CSMD1: variants seen among roughly 807,000 people sequenced by gnomAD.
The protein encoded by CSMD1 is CUB and Sushi multiple domains 1, also known as CUB and sushi domain-containing protein 1.
Under a neutral mutation model 417.5 loss-of-function variants are expected in CSMD1, and 213 were observed. That is an observed-to-expected ratio of 0.51 (90% CI 0.46 to 0.57). The LOEUF (loss-of-function observed/expected upper bound fraction) is 0.57, where lower values mean the gene tolerates loss of function less well. Among genes scored for constraint, CSMD1 ranks in the 20% least tolerant of loss-of-function variants. The pLI is 0.00. For missense variants in CSMD1, 6,923 were observed against 4,529.7 expected (o/e 1.53, Z -15.17); for synonymous variants, 2,862 against 1,736.8 (o/e 1.65, Z -16.11).
intron 28 of CSMD1, among the ~76,000 whole-genome samples, chr8:3,223,288 C>A (rs537682897): frequency 6.6e-6 from 1 of 152,102 alleles, no homozygotes. Flanking sequence ...CTTTCATTTT[C>A]CAGGCTCTAT....
chr8:3,989,816 G>T (rs1814609190), intron 5 of CSMD1, among the ~76,000 whole-genome samples: 1 of 152,152 alleles, frequency 6.6e-6, no homozygotes, highest in Admixed American at 6.5e-5. Context: ...CCAACAGGAA[G>T]TAACCCAAGC....
Position 3,292,541 on chromosome 8 carries a change from C to T in CSMD1, c.3951-8195G>A, listed in dbSNP as rs565573194. Among the ~76,000 whole-genome samples the T allele has an allele frequency of 1.0e-3, 152 of 152,150 alleles. 1 individual carries two copies. The highest frequency in any genetic ancestry group is 9.6e-3 in the Admixed American group (146 of 15,264). On this transcript the variant is annotated intron_variant, in intron 25 of 69. Coordinates refer to ENST00000635120, the MANE Select transcript of CSMD1 (RefSeq NM_033225.6). ...TTGGGTACATATATATTTAGGAGAG[C>T]TAGCTTTTCTTGTTGAATTGATCCC...
intron 10 of CSMD1, among the ~76,000 whole-genome samples, chr8:3,530,726 A>C (rs549851982): frequency 2.6e-5 from 4 of 152,082 alleles, no homozygotes; most frequent in African/African-American, 7.2e-5. Context: ...AGACAGTTTC[A>C]CCATGTTGGC....
At chr8:4,288,228 G>A (rs1360898025) in intron 3 of CSMD1, among the ~76,000 whole-genome samples, 1 of 152,044 alleles carries the variant, frequency 6.6e-6, no homozygotes, top group Non-Finnish European at 1.5e-5. Context: ...TCAGGGCCTG[G>A]CAGTGCTGGG....
At chr8:4,573,536 C>G (rs1292495030) in intron 2 of CSMD1, among the ~76,000 whole-genome samples, 5 of 152,074 alleles carry the variant, frequency 3.3e-5, no homozygotes, top group Admixed American at 2.6e-4. Flanking sequence ...ATCCGGAGCT[C>G]TCCTGTATGA....
At chr8:3,790,500 G>C (rs1193032751) in intron 5 of CSMD1, among the ~76,000 whole-genome samples, 2 of 152,126 alleles carry the variant, frequency 1.3e-5, no homozygotes, top group East Asian at 1.9e-4. Flanking sequence ...GAGAGTGATG[G>C]TAATTATGAC....
chr8:3,846,672 G>C (rs34363872), intron 5 of CSMD1, among the ~76,000 whole-genome samples: 3 of 151,872 alleles, frequency 2.0e-5, no homozygotes, highest in Admixed American at 1.3e-4. Flanking sequence ...TATTTATTTA[G>C]TTTGAGATGG....
chr8:4,058,492 T>C (rs1182990923), intron 3 of CSMD1, among the ~76,000 whole-genome samples: 1 of 152,188 alleles, frequency 6.6e-6, no homozygotes, highest in South Asian at 2.1e-4. Context: ...AGGGACAATT[T>C]GCCTTCCTCT....
At chr8:4,118,443 T>C (rs1170171831) in intron 3 of CSMD1, among the ~76,000 whole-genome samples, 1 of 150,174 alleles carries the variant, frequency 6.7e-6, no homozygotes. Context: ...ATATGGACAG[T>C]CACTTCTCAA....
chr8:4,707,867 C>A (rs1232841014), intron 1 of CSMD1, among the ~76,000 whole-genome samples: 7 of 114,324 alleles, frequency 6.1e-5, no homozygotes, highest in Admixed American at 6.0e-4. Context: ...AGCCTGGGGA[C>A]AAGAGCAAGA....
intron 10 of CSMD1, among the ~76,000 whole-genome samples, chr8:3,525,041 T>C (rs1484635171): frequency 6.6e-6 from 1 of 152,182 alleles, no homozygotes. Flanking sequence ...AATCCCTTGG[T>C]CCAACGCCGA....
chr8:4,856,824 T>C (rs1340389436), intron 1 of CSMD1, among the ~76,000 whole-genome samples: 1 of 151,490 alleles, frequency 6.6e-6, no homozygotes, highest in African/African-American at 2.4e-5. Context: ...ATGGGAGACT[T>C]TAACACCCCA....
chr8:4,805,906 G>A (rs751190417), intron 1 of CSMD1, among the ~76,000 whole-genome samples: 2 of 152,144 alleles, frequency 1.3e-5, no homozygotes, highest in South Asian at 4.1e-4. Flanking sequence ...TGACTCAAAT[G>A]CGATGGCTTG....
At chr8:4,405,381 C>G (rs967088088) in intron 3 of CSMD1, among the ~76,000 whole-genome samples, 2 of 151,836 alleles carry the variant, frequency 1.3e-5, no homozygotes, top group African/African-American at 4.8e-5. Flanking sequence ...CTGGCACAAA[C>G]TACTTGTTAC....
At chr8:4,488,370 A>G (rs1454234745) in intron 2 of CSMD1, among the ~76,000 whole-genome samples, 1 of 151,926 alleles carries the variant, frequency 6.6e-6, no homozygotes, top group Non-Finnish European at 1.5e-5. Context: ...ACATATAGAA[A>G]CTTGTTTAAT....
At chr8:4,030,472 G>T (rs557059389) in intron 4 of CSMD1, among the ~76,000 whole-genome samples, 1 of 152,160 alleles carries the variant, frequency 6.6e-6, no homozygotes, top group African/African-American at 2.4e-5. Context: ...GCTTTATGTT[G>T]CCCCTTTCAG....
At chr8:4,904,788 T>C (rs2117058929) in intron 1 of CSMD1, among the ~76,000 whole-genome samples, 1 of 152,232 alleles carries the variant, frequency 6.6e-6, no homozygotes, top group Non-Finnish European at 1.5e-5. Context: ...GCAGTTATTT[T>C]GGACAGTTAT....
chr8:4,143,994 G>T (rs938370554), intron 3 of CSMD1, among the ~76,000 whole-genome samples: 3 of 151,338 alleles, frequency 2.0e-5, no homozygotes, highest in Non-Finnish European at 4.4e-5. Flanking sequence ...CTTTCCATCT[G>T]AGACACGGTG....
chr8:3,783,041 A>C lies in CSMD1; in HGVS notation c.819-28999T>G, dbSNP rs575057439. Among the ~76,000 whole-genome samples, 67 of 152,286 alleles carry C rather than the reference A, an allele frequency of 4.4e-4. 1 individual carries two copies. The highest frequency in any genetic ancestry group is 1.5e-3 in the African/African-American group (62 of 41,562). On this transcript the variant is annotated intron_variant, in intron 5 of 69. Coordinates refer to ENST00000635120, the MANE Select transcript of CSMD1 (RefSeq NM_033225.6). ...TCGCAAGCACGCGTTCATCTTCTGTACTGACACTTCCTACTGTTGAAAGCA... is the reference window on the plus strand; with the variant it reads ...TCGCAAGCACGCGTTCATCTTCTGTCCTGACACTTCCTACTGTTGAAAGCA...
Sources: gnomAD v4.1 joint callset for allele counts (sites outside exome capture counted in the v4.1 genomes callset) on GRCh38, gnomAD v4.1.1 for gene constraint, MANE v1.5 for transcripts, NCBI Gene and HGNC (gene_info 2026-07-23, HGNC 2026-07-21) for gene names.